The following NMNAT2 variants were observed in gnomAD, a reference collection of about 807,000 sequenced individuals.
NMNAT2 encodes nicotinamide/nicotinic acid mononucleotide adenylyltransferase 2.
Under a neutral mutation model 41.6 loss-of-function variants are expected in NMNAT2, and 11 were observed. That is an observed-to-expected ratio of 0.26 (90% CI 0.17 to 0.44). The LOEUF (loss-of-function observed/expected upper bound fraction) is 0.44, where lower values mean the gene tolerates loss of function less well. Ranked by LOEUF, NMNAT2 falls within the 20% of genes least tolerant of loss-of-function variation. The pLI is 1.00. For synonymous variants in NMNAT2, 148 were observed against 151.2 expected (o/e 0.98, Z 0.16); for missense variants, 288 against 407.7 (o/e 0.71, Z 2.53).
intron 1 of NMNAT2, among the ~76,000 whole-genome samples, chr1:183,319,530 T>C (rs1571595698): frequency 6.6e-6 from 1 of 152,224 alleles, no homozygotes; most frequent in Non-Finnish European, 1.5e-5. Context: ...ATCCTTCCCT[T>C]CTCAGCAGCG....
chr1:183,321,984 A>G (rs1662365007), intron 1 of NMNAT2, among the ~76,000 whole-genome samples: 1 of 151,688 alleles, frequency 6.6e-6, no homozygotes, highest in African/African-American at 2.4e-5. Flanking sequence ...ACATTTGGCT[A>G]ATTTAAAATT....
At chr1:183,330,983 T>C (rs1662570375) in intron 1 of NMNAT2, among the ~76,000 whole-genome samples, 1 of 152,186 alleles carries the variant, frequency 6.6e-6, no homozygotes, top group Non-Finnish European at 1.5e-5. Context: ...CTGTTTCTTT[T>C]CTTTCCTTTC....
chr1:183,302,297 A>G (rs1261098428), intron 1 of NMNAT2, among the ~76,000 whole-genome samples: 1 of 152,206 alleles, frequency 6.6e-6, no homozygotes, highest in East Asian at 1.9e-4. Flanking sequence ...CTTTGCTGAA[A>G]TAATAAGATA....
chr1:183,257,035 A>C (rs907217655), intron 10 of NMNAT2, among the ~76,000 whole-genome samples: 1 of 152,128 alleles, frequency 6.6e-6, no homozygotes, highest in Non-Finnish European at 1.5e-5. Context: ...TACAGGCATG[A>C]GCCACTGTGC....
chr1:183,308,000 G>T (rs1273829341), intron 1 of NMNAT2, among the ~76,000 whole-genome samples: 1 of 152,182 alleles, frequency 6.6e-6, no homozygotes, highest in Non-Finnish European at 1.5e-5. Context: ...ATGATGGATG[G>T]GGGAGAGCTG....
chr1:183,278,974 G>A (rs1027742242), intron 7 of NMNAT2, among the ~76,000 whole-genome samples: 4 of 152,188 alleles, frequency 2.6e-5, no homozygotes, highest in Non-Finnish European at 4.4e-5. Flanking sequence ...AGCCAGCTAC[G>A]CATCTTGTCT....
At chr1:183,380,694 C>T (rs988818756) in intron 1 of NMNAT2, among the ~76,000 whole-genome samples, 14 of 152,010 alleles carry the variant, frequency 9.2e-5, no homozygotes, top group African/African-American at 3.4e-4. Context: ...AATGGAAATT[C>T]GACAGATCAA....
At chr1:183,411,378 G>A (rs538444593) in intron 1 of NMNAT2, among the ~76,000 whole-genome samples, 48 of 151,928 alleles carry the variant, frequency 3.2e-4, no homozygotes, top group Non-Finnish European at 4.6e-4. Context: ...GCAGTGGTGC[G>A]ATCTTGGCTC....
intron 1 of NMNAT2, among the ~76,000 whole-genome samples, chr1:183,414,119 A>C (rs992994056): frequency 6.6e-6 from 1 of 152,210 alleles, no homozygotes; most frequent in Non-Finnish European, 1.5e-5. Context: ...TTTTGGAGAC[A>C]ATATCAGAGC....
intron 10 of NMNAT2, among the ~76,000 whole-genome samples, chr1:183,254,772 T>A (rs1660476049): frequency 6.6e-6 from 1 of 152,224 alleles, no homozygotes; most frequent in African/African-American, 2.4e-5. Flanking sequence ...ATATGTTTTC[T>A]TGCTATTTTG....
chr1:183,268,187 C>T (rs988576310), intron 8 of NMNAT2, among the ~76,000 whole-genome samples: 4 of 152,106 alleles, frequency 2.6e-5, no homozygotes, highest in Non-Finnish European at 5.9e-5. Flanking sequence ...AGAGAAAACA[C>T]TCATGATCCA....
chr1:183,394,628 C>T (rs1397373057), intron 1 of NMNAT2, among the ~76,000 whole-genome samples: 2 of 152,176 alleles, frequency 1.3e-5, no homozygotes, highest in Non-Finnish European at 2.9e-5. Flanking sequence ...AGCACTCATA[C>T]AGGATGAGAG....
At chr1:183,392,422 T>A (rs545392883) in intron 1 of NMNAT2, among the ~76,000 whole-genome samples, 2 of 152,354 alleles carry the variant, frequency 1.3e-5, no homozygotes, top group South Asian at 4.1e-4. Flanking sequence ...CGCAGTAACT[T>A]CCTAACTAGT....
chr1:183,278,973 C>T lies in NMNAT2; in HGVS notation c.575-344G>A, dbSNP rs117663568. Among the ~76,000 whole-genome samples, 99 of 152,302 alleles carry T rather than the reference C, an allele frequency of 6.5e-4. 1 individual carries two copies. In the East Asian group the frequency reaches 0.017, roughly 26 times the overall value. On this transcript the variant is annotated intron_variant, in intron 7 of 10. Transcript: ENST00000287713. The stretch of plus-strand genomic sequence containing the variant: ...ATTGTAACTGTGGCTGAGCCAGCTA[C>T]GCATCTTGTCTAAGGTCTGAGGTAC...
chr1:183,409,112 T>C (rs1388311415), intron 1 of NMNAT2, among the ~76,000 whole-genome samples: 1 of 152,028 alleles, frequency 6.6e-6, no homozygotes, highest in African/African-American at 2.4e-5. Flanking sequence ...CCTAGCACTT[T>C]GGGAGGCTGA....
At chr1:183,375,015 G>A (rs1385603773) in intron 1 of NMNAT2, among the ~76,000 whole-genome samples, 1 of 152,220 alleles carries the variant, frequency 6.6e-6, no homozygotes, top group Non-Finnish European at 1.5e-5. Flanking sequence ...AAAGAGGGAA[G>A]CATTCCAGCC....
At chr1:183,397,519 C>T (rs970478409) in intron 1 of NMNAT2, among the ~76,000 whole-genome samples, 5 of 152,120 alleles carry the variant, frequency 3.3e-5, no homozygotes, top group African/African-American at 1.2e-4. Flanking sequence ...ACTTCCCCAA[C>T]CCAGCAAGGT....
chr1:183,376,708 T>A (rs1663686329), intron 1 of NMNAT2, among the ~76,000 whole-genome samples: 1 of 152,122 alleles, frequency 6.6e-6, no homozygotes, highest in South Asian at 2.1e-4. Context: ...ATATAGAACT[T>A]TAGGATCTTG....
intron 1 of NMNAT2, among the ~76,000 whole-genome samples, chr1:183,299,754 A>G (rs187029065): frequency 1.7e-4 from 26 of 152,150 alleles, no homozygotes; most frequent in Admixed American, 5.2e-4. Context: ...GTAAAGCTGT[A>G]GCTTGTGGGA....
Sources: gnomAD v4.1 joint callset for allele counts (sites outside exome capture counted in the v4.1 genomes callset) on GRCh38, gnomAD v4.1.1 for gene constraint, MANE v1.5 for transcripts, NCBI Gene and HGNC (gene_info 2026-07-23, HGNC 2026-07-21) for gene names.